YWHAZ: variants seen among roughly 807,000 people sequenced by gnomAD.
The protein encoded by YWHAZ is 14-3-3 protein zeta/delta.
For missense variants in YWHAZ, 79 were observed against 284.8 expected, an observed-to-expected ratio of 0.28 and a Z score of 5.20; for synonymous variants, 87 against 103.6, an observed-to-expected ratio of 0.84 and a Z score of 0.97.
At chr8:100,951,826 C>T (rs1469218928) in intron 1 of YWHAZ, 103 bp downstream of exon 1, 8 of 985,500 alleles carry the variant, frequency 8.1e-6, no homozygotes, top group African/African-American at 3.5e-5. Flanking sequence ...GCCGCCACCG[C>T]GGGGCGAGTG....
chr8:100,933,210 T>C lies in YWHAZ; in HGVS notation c.295-8171A>G, dbSNP rs147697764. Among the ~76,000 whole-genome samples the C allele has an allele frequency of 4.4e-3, 665 of 152,020 alleles. 4 individuals are homozygous for C. The highest frequency in any genetic ancestry group is 0.015 in the African/African-American group (623 of 41,464). ...CCTGTCTCTACTAAAAATACAAAAA[T>C]TAGCTGGGCATGGTGGTGTGTGCCT... On this transcript the variant is annotated intron_variant, in intron 2 of 5. Transcript: ENST00000395958.
chr8:100,950,657 T>TCG (rs71276929), intron 1 of YWHAZ: 1 of 716,676 alleles, frequency 1.4e-6, no homozygotes, highest in Non-Finnish European at 1.6e-6. Context: ...GCCCAAGCCG[T>TCG]GGGGGGGGGG....
rs1454159312 is a variant in YWHAZ, at chr8:100,919,273, A to T, written c.*1420T>A. The T allele has an allele frequency of 1.3e-5, 2 of 152,702 alleles. No individual in the cohort carries two copies. The highest frequency in any genetic ancestry group is 2.4e-5 in the African/African-American group (1 of 41,472). 9.5% of individuals were successfully genotyped at this position (152,702 alleles called of 1,614,324 possible). A position where few individuals can be genotyped will look rare whatever the true frequency, so the allele number is the denominator to read the frequency against. On this transcript the variant is annotated 3_prime_UTR_variant, in exon 6 of 6. Transcript: ENST00000395958. ...AAAGGATCAAAATTGAAGGCAGGCT[A>T]TAAGAGTATCAAGAAATTCTTAAAA... is the stretch of plus-strand genomic sequence containing the variant.
In YWHAZ at chr8:100,917,903, C is replaced by A. The variant is rs1479900277; in HGVS notation, c.*2790G>T. 1.3e-5 allele frequency: 2 copies of A among 152,098 alleles called. No individual in the cohort carries two copies. Among genetic ancestry groups the A allele is most frequent in the Non-Finnish European group, 2.9e-5 (2 of 68,008 alleles). The allele number at this position is 152,098 out of a possible 1,614,324, so 9.4% of individuals were successfully genotyped here. On this transcript the variant is annotated 3_prime_UTR_variant, in exon 6 of 6. Transcript: ENST00000395958. Reference sequence around the variant, plus strand: ...CAAAGAATCTCAGGTTGGAAATTTTCCTTAATCTATTGGGAACTACTATGT... The same window carrying A: ...CAAAGAATCTCAGGTTGGAAATTTTACTTAATCTATTGGGAACTACTATGT...
intron 2 of YWHAZ, among the ~76,000 whole-genome samples, chr8:100,932,408 T>C (rs1813820992): frequency 1.3e-5 from 2 of 152,302 alleles, no homozygotes; most frequent in East Asian, 1.9e-4. Context: ...GGTACATATA[T>C]ACTACCTCTA....
chr8:100,948,948 A>G lies in YWHAZ; in HGVS notation c.-11-48T>C. 10 of 1,524,714 alleles carry G rather than the reference A, an allele frequency of 6.6e-6. No individual in the cohort carries two copies. Among genetic ancestry groups the G allele is most frequent in the Non-Finnish European group, 8.7e-6 (10 of 1,146,222 alleles). 94.4% of individuals were successfully genotyped at this position (1,524,714 alleles called of 1,614,324 possible). On this transcript the variant is annotated intron_variant, in intron 1 of 5. Coordinates refer to ENST00000395958, the MANE Select transcript of YWHAZ (RefSeq NM_145690.3). This position sits in a 1 kb window ranked among gnomAD's most constrained non-coding sequence, Gnocchi z 4.2. ...ATTTAAAATTTTTCCCATCAAAATA[A>G]ACAGACTCAAAATTATACCTGTGGT...
At chr8:100,934,857 C>T (rs1459831167) in intron 2 of YWHAZ, 1 of 152,156 alleles carries the variant, frequency 6.6e-6, no homozygotes, top group East Asian at 1.9e-4. Context: ...CAGAGATTAC[C>T]TCCAAGAAGG....
At chr8:100,945,482 G>A (rs1360380855) in intron 2 of YWHAZ, among the ~76,000 whole-genome samples, 1 of 152,006 alleles carries the variant, frequency 6.6e-6, no homozygotes, top group Non-Finnish European at 1.5e-5. Flanking sequence ...TTTCTGCAAA[G>A]GGACACCTGC....
chr8:100,951,314 CCCCCGG>C (rs1001072146), intron 1 of YWHAZ: 121 of 984,442 alleles, frequency 1.2e-4, no homozygotes, highest in Admixed American at 6.2e-4. Context: ...GTCCCCGAGG[CCCCCGG>C]CCCCTCCCCG....
In YWHAZ at chr8:100,916,754, A is replaced by G. The variant is rs1481631096; in HGVS notation, c.*3939T>C. ...TTGTAACTGCTTCTGCATCCCAGAG[A>G]CATATATGCCTGCTTGTCTGGCAAG... On this transcript the variant is annotated 3_prime_UTR_variant, in exon 6 of 6. Transcript: ENST00000395958. 1 of 152,172 alleles carries G rather than the reference A, an allele frequency of 6.6e-6. No homozygotes were observed. The allele number at this position is 152,172 out of a possible 1,614,324, so 9.4% of individuals were successfully genotyped here.
chr8:100,938,616 T>C (rs1267931967), intron 2 of YWHAZ, among the ~76,000 whole-genome samples: 1 of 152,228 alleles, frequency 6.6e-6, no homozygotes, highest in African/African-American at 2.4e-5. Flanking sequence ...GCAGAGATAA[T>C]TTTCCTATAA....
intron 2 of YWHAZ, among the ~76,000 whole-genome samples, chr8:100,941,518 C>A (rs1457048301): frequency 6.6e-6 from 1 of 152,198 alleles, no homozygotes; most frequent in African/African-American, 2.4e-5. Flanking sequence ...GGTATGGTGG[C>A]TCACGACTGT....
chr8:100,927,675 C>T (rs148789770), intron 2 of YWHAZ, among the ~76,000 whole-genome samples: 60 of 152,294 alleles, frequency 3.9e-4, no homozygotes, highest in African/African-American at 1.4e-3. Flanking sequence ...GTACTAAAAA[C>T]TTAAATTTTT....
chr8:100,952,116 A>G, upstream of YWHAZ: 1 of 986,522 alleles, frequency 1.0e-6, no homozygotes, highest in Non-Finnish European at 1.2e-6. Flanking sequence ...ACGCACGATG[A>G]CGTCAAACGC....
chr8:100,949,696 G>C (rs1181414786), intron 1 of YWHAZ, among the ~76,000 whole-genome samples: 1 of 152,142 alleles, frequency 6.6e-6, no homozygotes, highest in Non-Finnish European at 1.5e-5. Context: ...TGTTTCCAAT[G>C]TCATCGCTCC....
At chr8:100,952,108 G>C, upstream of YWHAZ, 1 of 986,722 alleles carries the variant, frequency 1.0e-6, no homozygotes, top group South Asian at 4.5e-5. Context: ...GGCACCACAC[G>C]CACGATGACG....
intron 2 of YWHAZ, among the ~76,000 whole-genome samples, chr8:100,933,848 AAAT>A (rs1813931144): frequency 6.6e-6 from 1 of 152,034 alleles, no homozygotes; most frequent in Non-Finnish European, 1.5e-5. Flanking sequence ...TCTCTACTAA[AAAT>A]AATTTAAAAA....
upstream of YWHAZ, chr8:100,952,973 C>A (rs1427662027): frequency 2.0e-6 from 2 of 1,000,366 alleles, no homozygotes; most frequent in Non-Finnish European, 2.4e-6. Context: ...GATCTGCGCT[C>A]GGTGACTGCG....
chr8:100,952,422 G>A (rs529933141), upstream of YWHAZ: 9 of 154,204 alleles, frequency 5.8e-5, no homozygotes, highest in African/African-American at 1.2e-4. Flanking sequence ...AGCCTCTGCC[G>A]GCCCACTCTT....
Sources: gnomAD v4.1 joint callset for allele counts (sites outside exome capture counted in the v4.1 genomes callset) on GRCh38, gnomAD v4.1.1 for gene constraint, Gnocchi (gnomAD v3.1) non-coding constraint, MANE v1.5 for transcripts, NCBI Gene and HGNC (gene_info 2026-07-23, HGNC 2026-07-21) for gene names.